PPARG: variants seen among roughly 807,000 people sequenced by gnomAD.
PPARG encodes the protein peroxisome proliferator-activated receptor gamma.
In PPARG, 17 loss-of-function variants were observed where a neutral mutation model predicts 39.2. The ratio of observed to expected loss-of-function variants is 0.43; its 90% confidence interval spans 0.30 to 0.65. PPARG has a LOEUF of 0.65. PPARG is among the 30% of genes least tolerant of loss of function. The pLI is 0.13. For missense variants in PPARG, 406 were observed against 585.9 expected (o/e 0.69, Z 3.17); for synonymous variants, 223 against 215.7 (o/e 1.03, Z -0.30).
rs371436618 is a variant in PPARG at position 12,310,692 on chromosome 3, A to T, written c.-82-1688A>T. 1.9e-4 allele frequency among the ~76,000 whole-genome samples: 16 copies of T among 83,932 alleles called. 1 individual carries two copies. The highest frequency in any genetic ancestry group is 1.1e-3 in the Admixed American group (8 of 7,592). 55.1% of individuals were successfully genotyped at this position (83,932 alleles called of 152,430 possible). A position where few individuals can be genotyped will look rare whatever the true frequency, so the allele number is the denominator to read the frequency against. ...TTTAGCCGGGATGGTCTCGATCTCC[A>T]GACCTCGTGATCCGCCCGCCTCGGC... On this transcript the variant is annotated intron_variant, in intron 1 of 7. Coordinates refer to ENST00000651735, the MANE Select transcript of PPARG (RefSeq NM_138711.6).
chr3:12,298,278 G>A (rs1350680045), intron 1 of PPARG, among the ~76,000 whole-genome samples: 1 of 108,444 alleles, frequency 9.2e-6, no homozygotes, highest in African/African-American at 3.9e-5. Flanking sequence ...CAGCCTGGGC[G>A]ACAGAGCGAG....
chr3:12,392,043 T>C (rs559565063), intron 4 of PPARG, among the ~76,000 whole-genome samples: 2 of 152,304 alleles, frequency 1.3e-5, no homozygotes, highest in Admixed American at 6.5e-5. Flanking sequence ...ATAGTCTCTT[T>C]CTGTCTGTAA....
chr3:12,396,444 A>AT (rs2125226108), intron 5 of PPARG, among the ~76,000 whole-genome samples: 1 of 152,228 alleles, frequency 6.6e-6, no homozygotes, highest in African/African-American at 2.4e-5. Context: ...TTTTAATAAA[A>AT]TTATTTAGTC....
Position 12,351,689 on chromosome 3 carries a change from AG to A in PPARG, c.-8-28014del, listed in dbSNP as rs772801073. The A allele has an allele frequency of 3.2e-6, 5 of 1,585,208 alleles. No individual in the cohort carries two copies. The South Asian group carries it at 5.5e-5, about 18-fold the overall frequency. On this transcript the variant is annotated intron_variant, in intron 2 of 7. Coordinates refer to ENST00000651735, the MANE Select transcript of PPARG (RefSeq NM_138711.6). The stretch of plus-strand genomic sequence containing the variant: ...CATATCACAAGGTAAAGTTCCTTCC[AG>A]ATACGGCTATTGGGGACGTGGGGGC...
intron 7 of PPARG, among the ~76,000 whole-genome samples, chr3:12,422,940 C>T (rs999040998): frequency 1.3e-5 from 2 of 151,900 alleles, no homozygotes; most frequent in East Asian, 1.9e-4. Context: ...TCAGATATTA[C>T]GTATTAATAT....
intron 2 of PPARG, among the ~76,000 whole-genome samples, chr3:12,366,200 T>C (rs1205134205): frequency 1.3e-5 from 2 of 152,236 alleles, no homozygotes; most frequent in South Asian, 2.1e-4. Context: ...ATGTAATGTC[T>C]GTTTGGGGGT....
At chr3:12,359,304 A>G (rs1455383427) in intron 2 of PPARG, among the ~76,000 whole-genome samples, 2 of 152,220 alleles carry the variant, frequency 1.3e-5, no homozygotes, top group East Asian at 1.9e-4. Context: ...AATGCCAAAG[A>G]AAATAAAATG....
At chr3:12,324,180 G>A (rs2047627144) in intron 2 of PPARG, among the ~76,000 whole-genome samples, 1 of 152,124 alleles carries the variant, frequency 6.6e-6, no homozygotes, top group Admixed American at 6.5e-5. Flanking sequence ...TTGGGAGGCT[G>A]AGGCAGGAAA....
At chr3:12,425,158 G>A (rs953037338) in intron 7 of PPARG, among the ~76,000 whole-genome samples, 2 of 152,216 alleles carry the variant, frequency 1.3e-5, no homozygotes, top group Non-Finnish European at 2.9e-5. Flanking sequence ...GATCCTGGAG[G>A]AAGGGGAGGG....
At chr3:12,302,977 C>G (rs1378994269) in intron 1 of PPARG, among the ~76,000 whole-genome samples, 1 of 152,122 alleles carries the variant, frequency 6.6e-6, no homozygotes, top group African/African-American at 2.4e-5. Context: ...CTTGATGCTG[C>G]CCCACAAGTG....
intron 7 of PPARG, among the ~76,000 whole-genome samples, chr3:12,432,897 A>G (rs907285473): frequency 6.6e-6 from 1 of 152,216 alleles, no homozygotes; most frequent in Admixed American, 6.5e-5. Flanking sequence ...AGTATTTGAG[A>G]ATAAATCTAA....
intron 1 of PPARG, among the ~76,000 whole-genome samples, chr3:12,297,084 C>T (rs1250569757): frequency 2.0e-5 from 3 of 152,030 alleles, no homozygotes; most frequent in East Asian, 1.9e-4. Flanking sequence ...TAGGAAAAGC[C>T]GTATACACGA....
intron 1 of PPARG, among the ~76,000 whole-genome samples, chr3:12,297,602 C>G (rs987543979): frequency 6.6e-6 from 1 of 152,032 alleles, no homozygotes; most frequent in Non-Finnish European, 1.5e-5. Context: ...CTTCCCTGTA[C>G]ATTTTACTTG....
At chr3:12,299,265 ATTG>A (rs1385090860) in intron 1 of PPARG, among the ~76,000 whole-genome samples, 2 of 152,154 alleles carry the variant, frequency 1.3e-5, no homozygotes, top group Admixed American at 6.6e-5. Flanking sequence ...GTTTACAATT[ATTG>A]TTATCTAGAT....
Position 12,416,555 on chromosome 3 carries a change from A to G in PPARG, c.730-149A>G, listed in dbSNP as rs1235912378. ...TAATTAAGATGAATAAAAGAACTTG[A>G]GAGTATTTTCTCATTATTAAGCATC... On this transcript the variant is annotated intron_variant, in intron 6 of 7. Transcript: ENST00000651735. 6 of 779,148 alleles carry G rather than the reference A, an allele frequency of 7.7e-6. No individual in the cohort carries two copies. The East Asian group carries it at 1.3e-4, about 17-fold the overall frequency. The allele number at this position is 779,148 out of a possible 1,614,324, so 48.3% of individuals were successfully genotyped here.
intron 1 of PPARG, among the ~76,000 whole-genome samples, chr3:12,306,396 G>A (rs1054120693): frequency 2.0e-5 from 3 of 152,170 alleles, no homozygotes; most frequent in Non-Finnish European, 4.4e-5. Context: ...TGGGGTGGGG[G>A]ACTCCTAATA....
chr3:12,315,415 C>T (rs2047362542), intron 2 of PPARG, among the ~76,000 whole-genome samples: 1 of 152,128 alleles, frequency 6.6e-6, no homozygotes, highest in South Asian at 2.1e-4. Flanking sequence ...GCTGGGACTG[C>T]ACTGTGGTAA....
At chr3:12,395,541 G>A (rs544299674) in intron 5 of PPARG, among the ~76,000 whole-genome samples, 1 of 152,216 alleles carries the variant, frequency 6.6e-6, no homozygotes, top group Non-Finnish European at 1.5e-5. Context: ...GTGACACATC[G>A]TCTACATGTT....
chr3:12,391,468 G>A (rs2050073423), intron 4 of PPARG, among the ~76,000 whole-genome samples: 1 of 152,130 alleles, frequency 6.6e-6, no homozygotes, highest in Non-Finnish European at 1.5e-5. Context: ...AAGGAAATAG[G>A]CAAGTGTGTA....
Sources: gnomAD v4.1 joint callset for allele counts (sites outside exome capture counted in the v4.1 genomes callset) on GRCh38, gnomAD v4.1.1 for gene constraint, MANE v1.5 for transcripts, NCBI Gene and HGNC (gene_info 2026-07-23, HGNC 2026-07-21) for gene names.